The following TEAD1 variants were observed in gnomAD, a reference collection of about 807,000 sequenced individuals.
TEAD1 encodes TEA domain transcription factor 1, also known as transcriptional enhancer factor TEF-1.
TEAD1 carries 9 observed loss-of-function variants against 54.9 expected under a neutral mutation model. That is an observed-to-expected ratio of 0.16 (90% CI 0.10 to 0.29). TEAD1 has a LOEUF of 0.29. Among genes scored for constraint, TEAD1 ranks in the 10% least tolerant of loss-of-function variants. The pLI, the probability that TEAD1 is intolerant of heterozygous loss-of-function variation, is 1.00. For synonymous variants in TEAD1, 200 were observed against 187.8 expected (o/e 1.07, Z -0.53); for missense variants, 387 against 535.9 (o/e 0.72, Z 2.74).
chr11:12,869,632 C>T (rs896361912), intron 5 of TEAD1, among the ~76,000 whole-genome samples: 65 of 152,106 alleles, frequency 4.3e-4, no homozygotes, highest in African/African-American at 1.5e-3. Context: ...ATATATTAAA[C>T]ACTCATGTTT....
At chr11:12,862,833 T>G (rs1276598377) in intron 4 of TEAD1, among the ~76,000 whole-genome samples, 1 of 152,232 alleles carries the variant, frequency 6.6e-6, no homozygotes, top group African/African-American at 2.4e-5. Context: ...TGTCAGTAGC[T>G]GCTGTGACTG....
At chr11:12,931,214 C>T (rs1399641083) in intron 12 of TEAD1, among the ~76,000 whole-genome samples, 1 of 152,110 alleles carries the variant, frequency 6.6e-6, no homozygotes, top group East Asian at 1.9e-4. Flanking sequence ...GTGGGTTTTC[C>T]CCTAATACTT....
Position 12,772,934 on chromosome 11 carries a change from G to T in TEAD1, c.202+8500G>T, listed in dbSNP as rs1038255076. On this transcript the variant is annotated intron_variant, in intron 3 of 12. Transcript: ENST00000527636. Reference sequence around the variant, plus strand: ...AACAGCTCCAACACCACAGGACCCGGGTTGCCCTTCTCCCTAACTGCTGGC... The same window carrying T: ...AACAGCTCCAACACCACAGGACCCGTGTTGCCCTTCTCCCTAACTGCTGGC... Among the ~76,000 whole-genome samples, 6 of 152,270 alleles carry T rather than the reference G, an allele frequency of 3.9e-5. No individual in the cohort carries two copies. In the East Asian group the frequency reaches 9.7e-4, roughly 24 times the overall value.
At chr11:12,732,900 A>C (rs1003888520) in intron 2 of TEAD1, among the ~76,000 whole-genome samples, 2 of 152,162 alleles carry the variant, frequency 1.3e-5, no homozygotes, top group Admixed American at 1.3e-4. Context: ...TTCTTTTTAC[A>C]TTATTGAGCT....
intron 5 of TEAD1, 94 bp from the exon 6 acceptor site, chr11:12,879,614 G>T: frequency 2.0e-6 from 3 of 1,535,142 alleles, no homozygotes; most frequent in Non-Finnish European, 2.7e-6. Flanking sequence ...TTGTGGCTCT[G>T]TATTTTAGTC....
chr11:12,901,187 G>A (rs1462110909), intron 9 of TEAD1, among the ~76,000 whole-genome samples: 7 of 152,228 alleles, frequency 4.6e-5, no homozygotes, highest in South Asian at 2.1e-4. Context: ...TTGTGGTCCA[G>A]TTACCATGTC....
chr11:12,792,355 T>TAAG (rs1554934187), intron 3 of TEAD1, among the ~76,000 whole-genome samples: 1 of 98,658 alleles, frequency 1.0e-5, no homozygotes, highest in Non-Finnish European at 2.1e-5. Context: ...GGGAAAATAG[T>TAAG]AAAAAAAAAA....
chr11:12,678,600 A>C (rs761542157), intron 2 of TEAD1, among the ~76,000 whole-genome samples: 1 of 152,162 alleles, frequency 6.6e-6, no homozygotes, highest in African/African-American at 2.4e-5. Flanking sequence ...TTTTTGACAG[A>C]CACCTTATTT....
At chr11:12,879,399 C>T (rs1947920492) in intron 5 of TEAD1, 6 of 587,630 alleles carry the variant, frequency 1.0e-5, no homozygotes, top group African/African-American at 1.9e-5. Flanking sequence ...TTGGAGAAAT[C>T]TTCTGGAAGC....
At chr11:12,807,211 T>C (rs1946192253) in intron 3 of TEAD1, among the ~76,000 whole-genome samples, 1 of 152,218 alleles carries the variant, frequency 6.6e-6, no homozygotes, top group South Asian at 2.1e-4. Flanking sequence ...ACTGATTTTT[T>C]ATCCCATGAG....
chr11:12,776,780 TATTATTATTATTATTATTATC>T (rs1409923843), intron 3 of TEAD1, among the ~76,000 whole-genome samples: 7 of 126,910 alleles, frequency 5.5e-5, no homozygotes, highest in African/African-American at 3.3e-4. Flanking sequence ...TTATTATTAT[TATTATTATTATTATTATTATC>T]ATTATTATTA....
At chr11:12,721,210 C>T (rs530996210) in intron 2 of TEAD1, among the ~76,000 whole-genome samples, 2 of 152,288 alleles carry the variant, frequency 1.3e-5, no homozygotes, top group South Asian at 4.1e-4. Flanking sequence ...TGTAGAAGCA[C>T]CTGGCTCAGT....
chr11:12,804,088 C>T (rs1490288316), intron 3 of TEAD1, among the ~76,000 whole-genome samples: 8 of 152,210 alleles, frequency 5.3e-5, no homozygotes, highest in Non-Finnish European at 1.2e-4. Flanking sequence ...AATTTTGAGG[C>T]ACGTGTGCCA....
intron 2 of TEAD1, among the ~76,000 whole-genome samples, chr11:12,680,959 C>G (rs1159849173): frequency 3.9e-5 from 6 of 152,044 alleles, no homozygotes; most frequent in African/African-American, 1.2e-4. Flanking sequence ...TTCAGATCAC[C>G]CATTACTGTG....
rs145416306 is a variant in TEAD1 at position 12,730,722 on chromosome 11, A to G, written c.-54-33457A>G. Among the ~76,000 whole-genome samples, 7 of 100,432 alleles carry G rather than the reference A, an allele frequency of 7.0e-5. No homozygotes were observed. The East Asian group carries it at 1.8e-3, about 26-fold the overall frequency. 65.9% of individuals were successfully genotyped at this position (100,432 alleles called of 152,430 possible). On this transcript the variant is annotated intron_variant, in intron 2 of 12. Coordinates refer to ENST00000527636, the MANE Select transcript of TEAD1 (RefSeq NM_021961.6). ...TTTTTTTTTTTTTTTTTTTTTGGAG[A>G]TAGAGTCTTGCCCTGTTGCACAGGC...
intron 3 of TEAD1, among the ~76,000 whole-genome samples, chr11:12,825,204 C>T (rs1946626974): frequency 6.6e-6 from 1 of 152,066 alleles, no homozygotes; most frequent in Non-Finnish European, 1.5e-5. Flanking sequence ...GCAGAGATGT[C>T]CACTTTTGCT....
chr11:12,798,085 G>A (rs1945974656), intron 3 of TEAD1, among the ~76,000 whole-genome samples: 1 of 152,134 alleles, frequency 6.6e-6, no homozygotes, highest in Non-Finnish European at 1.5e-5. Flanking sequence ...CCACTTTTAT[G>A]TTGCAGTACT....
intron 10 of TEAD1, among the ~76,000 whole-genome samples, chr11:12,915,597 C>T (rs1315902643): frequency 2.6e-5 from 4 of 152,218 alleles, no homozygotes; most frequent in African/African-American, 9.6e-5. Context: ...CGTATAATCC[C>T]AGCACTTTGG....
At chr11:12,821,950 TTTCTCTTTTCC>T (rs1362639835) in intron 3 of TEAD1, among the ~76,000 whole-genome samples, 1 of 128,328 alleles carries the variant, frequency 7.8e-6, no homozygotes, top group African/African-American at 2.9e-5. Flanking sequence ...CTCTCTCCTT[TTTCTCTTTTCC>T]TTTTTTTTTT....
Sources: gnomAD v4.1 joint callset for allele counts (sites outside exome capture counted in the v4.1 genomes callset) on GRCh38, gnomAD v4.1.1 for gene constraint, MANE v1.5 for transcripts, NCBI Gene and HGNC (gene_info 2026-07-23, HGNC 2026-07-21) for gene names.